Variants in SKA3 observed in about 807,000 individuals in gnomAD.
The protein encoded by SKA3 is spindle and kinetochore-associated protein 3.
Under a neutral mutation model 44.2 loss-of-function variants are expected in SKA3, and 39 were observed. That is an observed-to-expected ratio of 0.88 (90% CI 0.68 to 1.15). SKA3 has a LOEUF of 1.15. Ranked by LOEUF, SKA3 falls within the 50% of genes most tolerant of loss-of-function variation. The pLI, the probability that SKA3 is intolerant of heterozygous loss-of-function variation, is 0.00. For synonymous variants in SKA3, 192 were observed against 172.0 expected (o/e 1.12, Z -0.91); for missense variants, 511 against 485.8 (o/e 1.05, Z -0.49).
At chr13:21,163,663 C>G (rs1229727298) in intron 4 of SKA3, among the ~76,000 whole-genome samples, 4 of 152,130 alleles carry the variant, frequency 2.6e-5, no homozygotes, top group Admixed American at 1.3e-4. Flanking sequence ...AAATATGCAT[C>G]TGGATAGTTG....
chr13:21,176,492 G>C lies in SKA3; in HGVS notation c.-15C>G. On this transcript the variant is annotated 5_prime_UTR_variant, in exon 1 of 9. Coordinates refer to ENST00000314759, the MANE Select transcript of SKA3 (RefSeq NM_145061.6). ...ATAGGGTCCATGCTGAGCACAGCGG[G>C]GAAGGACTCCAGGCGTACGCAGACC... 6.6e-7 allele frequency: 1 copy of C among 1,505,872 alleles called. No homozygotes were observed. The highest frequency in any genetic ancestry group is 8.9e-7 in the Non-Finnish European group (1 of 1,122,520). The allele number at this position is 1,505,872 out of a possible 1,614,324, so 93.3% of individuals were successfully genotyped here.
At chr13:21,159,786 A>G in intron 6 of SKA3, 116 bp downstream of exon 6, 1 of 575,882 alleles carries the variant, frequency 1.7e-6, no homozygotes, top group East Asian at 4.0e-5. Flanking sequence ...CTGTAAATAC[A>G]TCCCTAAAAG....
At position 21,168,078 on chromosome 13, in the gene SKA3, G is replaced by A; in HGVS notation, c.653C>T (p.Pro218Leu). ...LKMDDFECVT[P>L]KLEHFGISEY... ...AGAGATACCAAAGTGTTCTAATTTA[G>A]GAGTTACACACTCAAAATCATCCAT... The change falls in exon 4 of 9, where the codon CCT (proline) becomes CTT (leucine). Residue 218 changes from proline (P) to leucine (L), a missense_variant. Coordinates refer to ENST00000314759, the MANE Select transcript of SKA3 (RefSeq NM_145061.6). The A allele has an allele frequency of 6.2e-7, 1 of 1,614,030 alleles. No homozygotes were observed. The highest frequency in any genetic ancestry group is 8.5e-7 in the Non-Finnish European group (1 of 1,179,970).
chr13:21,162,587 C>A (rs1157263896), intron 4 of SKA3, among the ~76,000 whole-genome samples: 1 of 152,064 alleles, frequency 6.6e-6, no homozygotes, highest in African/African-American at 2.4e-5. Flanking sequence ...AGGCTGGTCT[C>A]GAACTCCTGA....
At chr13:21,175,775 A>G (rs1178753013) in intron 1 of SKA3, among the ~76,000 whole-genome samples, 1 of 152,128 alleles carries the variant, frequency 6.6e-6, no homozygotes, top group African/African-American at 2.4e-5. Context: ...ATATACACAT[A>G]TTTTTTTAAA....
chr13:21,163,908 C>T (rs1456352685), intron 4 of SKA3, among the ~76,000 whole-genome samples: 1 of 152,104 alleles, frequency 6.6e-6, no homozygotes, highest in African/African-American at 2.4e-5. Context: ...GGACTACAGG[C>T]GCCCGTCACC....
At chr13:21,171,858 A>G (rs1399804012) in intron 3 of SKA3, among the ~76,000 whole-genome samples, 4 of 152,214 alleles carry the variant, frequency 2.6e-5, no homozygotes, top group Non-Finnish European at 5.9e-5. Flanking sequence ...CTAAACCACT[A>G]TGATAGAATG....
At chr13:21,162,810 G>A (rs1224825695) in intron 4 of SKA3, among the ~76,000 whole-genome samples, 1 of 152,232 alleles carries the variant, frequency 6.6e-6, no homozygotes, top group Non-Finnish European at 1.5e-5. Flanking sequence ...CAGGGCCAAA[G>A]TGGGAGGATC....
rs888132556 is a variant in SKA3 at position 21,153,762 on chromosome 13, A to G, written c.*1388T>C. On this transcript the variant is annotated 3_prime_UTR_variant, in exon 9 of 9. Transcript: ENST00000314759. Reference sequence around the variant, plus strand: ...AGAACTCCAGGATTTGGTCCTTGGTACACTTTGAATATATTCCCTCCCTAA... The same window carrying G: ...AGAACTCCAGGATTTGGTCCTTGGTGCACTTTGAATATATTCCCTCCCTAA... 3.9e-5 allele frequency: 6 copies of G among 152,236 alleles called. No homozygotes were observed. Among genetic ancestry groups the G allele is most frequent in the Admixed American group, 2.0e-4 (3 of 15,278 alleles). The allele number at this position is 152,236 out of a possible 1,614,324, so 9.4% of individuals were successfully genotyped here.
intron 1 of SKA3, 67 bp downstream of exon 1, chr13:21,176,308 C>T: frequency 8.3e-7 from 1 of 1,199,910 alleles, no homozygotes. Context: ...ACATACCGTC[C>T]ACTCGCCACG....
At chr13:21,171,753 A>G (rs1419172744) in intron 3 of SKA3, among the ~76,000 whole-genome samples, 1 of 152,192 alleles carries the variant, frequency 6.6e-6, no homozygotes, top group Non-Finnish European at 1.5e-5. Flanking sequence ...CAAATGAGAA[A>G]CTGAGGCACA....
chr13:21,173,592 T>C (rs967584757), intron 1 of SKA3, among the ~76,000 whole-genome samples: 2 of 145,708 alleles, frequency 1.4e-5, no homozygotes, highest in South Asian at 4.6e-4. Context: ...GAAGTAGTTT[T>C]GTCACTTATG....
chr13:21,167,779 CAAAA>C (rs373781795), intron 4 of SKA3, among the ~76,000 whole-genome samples: 4 of 123,918 alleles, frequency 3.2e-5, no homozygotes, highest in Admixed American at 3.2e-4. Flanking sequence ...AAAAAAAAAA[CAAAA>C]AAAAAAACCA....
chr13:21,174,568 C>T (rs1871328009), intron 1 of SKA3, among the ~76,000 whole-genome samples: 1 of 151,674 alleles, frequency 6.6e-6, no homozygotes, highest in Non-Finnish European at 1.5e-5. Flanking sequence ...ACATCACACA[C>T]TTGGGCCTGT....
Position 21,154,221 on chromosome 13 carries a change from C to T in SKA3, c.*929G>A, listed in dbSNP as rs1869964212. 6.6e-6 allele frequency: 1 copy of T among 152,246 alleles called. No individual in the cohort carries two copies. The highest frequency in any genetic ancestry group is 2.4e-5 in the African/African-American group (1 of 41,454). The allele number at this position is 152,246 out of a possible 1,614,324, so 9.4% of individuals were successfully genotyped here. A position where few individuals can be genotyped will look rare whatever the true frequency, so the allele number is the denominator to read the frequency against. On this transcript the variant is annotated 3_prime_UTR_variant, in exon 9 of 9. Transcript: ENST00000314759. ...TATTTTCTCATTGGCTGTAATTTGA[C>T]AAGTTCTCCAAAAGCACTATCATGA...
chr13:21,171,973 T>C (rs1224560788), intron 3 of SKA3, among the ~76,000 whole-genome samples: 6 of 152,218 alleles, frequency 3.9e-5, no homozygotes, highest in African/African-American at 1.4e-4. Flanking sequence ...TGAAATAACA[T>C]GCCTCGAGGT....
intron 4 of SKA3, among the ~76,000 whole-genome samples, chr13:21,163,747 G>A (rs924133346): frequency 6.6e-6 from 1 of 151,980 alleles, no homozygotes; most frequent in Non-Finnish European, 1.5e-5. Flanking sequence ...TATGCTTATT[G>A]GTCAATTGTA....
chr13:21,154,640 CCCTCTTTT>C lies in SKA3; in HGVS notation c.*502_*509del, dbSNP rs1869998731. 6.0e-6 allele frequency: 1 copy of C among 167,458 alleles called. No homozygotes were observed. The highest frequency in any genetic ancestry group is 1.3e-5 in the Non-Finnish European group (1 of 76,946). The allele number at this position is 167,458 out of a possible 1,614,324, so 10.4% of individuals were successfully genotyped here. On this transcript the variant is annotated 3_prime_UTR_variant, in exon 9 of 9. Transcript: ENST00000314759. ...TATAGTTACCCAGGCCTGGAAATCT[CCCTCTTTT>C]CCTAATTAGTTTAACTGGTGTTCCT...
At chr13:21,171,438 G>A (rs1051773410) in intron 3 of SKA3, among the ~76,000 whole-genome samples, 17 of 151,954 alleles carry the variant, frequency 1.1e-4, no homozygotes, top group African/African-American at 2.9e-4. Flanking sequence ...TTAGCTGGGC[G>A]TGGTGGCGGG....
Sources: allele counts gnomAD v4.1 joint callset (sites outside exome capture counted in the v4.1 genomes callset), GRCh38; gene constraint gnomAD v4.1.1; transcripts MANE v1.5; gene names NCBI Gene and HGNC (gene_info 2026-07-23, HGNC 2026-07-21).